Variants in PPP2R2B observed in about 807,000 individuals in gnomAD.
The protein encoded by PPP2R2B is serine/threonine-protein phosphatase 2A 55 kDa regulatory subunit B beta isoform.
Under a neutral mutation model 46.0 loss-of-function variants are expected in PPP2R2B, and 5 were observed. The observed-to-expected ratio is 0.11, with a 90% CI of 0.06 to 0.23. PPP2R2B has a LOEUF of 0.23. PPP2R2B is among the 10% of genes least tolerant of loss of function. The pLI, the probability that PPP2R2B is intolerant of heterozygous loss-of-function variation, is 1.00. For missense variants in PPP2R2B, 367 were observed against 575.0 expected (o/e 0.64, Z 3.70); for synonymous variants, 215 against 206.7 (o/e 1.04, Z -0.34).
intron 2 of PPP2R2B, among the ~76,000 whole-genome samples, chr5:146,812,844 T>TG (rs1271380416): frequency 1.9e-5 from 2 of 107,914 alleles, no homozygotes; most frequent in Non-Finnish European, 3.7e-5. Context: ...CACATTTCCA[T>TG]TATAAAACCA....
chr5:146,905,628 A>T (rs1762971663), intron 1 of PPP2R2B, among the ~76,000 whole-genome samples: 1 of 152,226 alleles, frequency 6.6e-6, no homozygotes, highest in Non-Finnish European at 1.5e-5. Context: ...AGTGAATGGT[A>T]TAGTACATCT....
intron 7 of PPP2R2B, among the ~76,000 whole-genome samples, chr5:146,635,586 C>T (rs146607243): frequency 1.3e-3 from 193 of 152,328 alleles, no homozygotes; most frequent in African/African-American, 4.5e-3. Context: ...CCCGTGCCAT[C>T]CCTGGCCTCC....
intron 3 of PPP2R2B, among the ~76,000 whole-genome samples, chr5:146,698,522 T>A (rs1430589941): frequency 6.6e-6 from 1 of 151,754 alleles, no homozygotes; most frequent in Non-Finnish European, 1.5e-5. Flanking sequence ...GAGTGAGTCA[T>A]CCCACAGTGG....
chr5:146,585,215 T>C lies in PPP2R2B; in HGVS notation c.*4732A>G, dbSNP rs1770083495. The C allele has an allele frequency of 6.6e-6, 1 of 150,442 alleles. No individual in the cohort carries two copies. The highest frequency in any genetic ancestry group is 2.5e-5 in the African/African-American group (1 of 40,762). 9.3% of individuals were successfully genotyped at this position (150,442 alleles called of 1,614,324 possible). ...TTTAATTCATTGAGCTTATGGGTCATTACTGGGGCTTGTTTTCTGATCAGT... is the reference window on the plus strand; with the variant it reads ...TTTAATTCATTGAGCTTATGGGTCACTACTGGGGCTTGTTTTCTGATCAGT... On this transcript the variant is annotated 3_prime_UTR_variant, in exon 10 of 10. Transcript: ENST00000394411.
chr5:146,718,761 A>G (rs1015566963), intron 2 of PPP2R2B, among the ~76,000 whole-genome samples: 3 of 152,178 alleles, frequency 2.0e-5, no homozygotes, highest in Admixed American at 6.6e-5. Context: ...AAGAAGTCTG[A>G]CCCAGTGAAC....
intron 2 of PPP2R2B, among the ~76,000 whole-genome samples, chr5:147,072,958 T>A (rs1195293514): frequency 6.6e-6 from 1 of 152,168 alleles, no homozygotes; most frequent in African/African-American, 2.4e-5. Context: ...CTGTTCCTAG[T>A]GTGGGTTGGG....
At chr5:146,908,397 G>T (rs1763070127) in intron 1 of PPP2R2B, among the ~76,000 whole-genome samples, 1 of 151,766 alleles carries the variant, frequency 6.6e-6, no homozygotes, top group African/African-American at 2.4e-5. Context: ...GTAAGTTCTT[G>T]GTGTTTACTT....
intron 1 of PPP2R2B, among the ~76,000 whole-genome samples, chr5:147,053,928 G>A (rs1756951210): frequency 6.6e-6 from 1 of 152,164 alleles, no homozygotes; most frequent in Non-Finnish European, 1.5e-5. Flanking sequence ...CCTCCACGAT[G>A]TTAATGTTTG....
At chr5:147,003,651 C>A (rs1208580081) in intron 1 of PPP2R2B, among the ~76,000 whole-genome samples, 4 of 152,146 alleles carry the variant, frequency 2.6e-5, no homozygotes, top group Non-Finnish European at 5.9e-5. Flanking sequence ...CTCTACCAGT[C>A]AGCAAGCCAT....
intron 1 of PPP2R2B, among the ~76,000 whole-genome samples, chr5:146,988,436 A>G (rs1341295544): frequency 6.6e-6 from 1 of 152,028 alleles, no homozygotes; most frequent in African/African-American, 2.4e-5. Flanking sequence ...ATCACAGTGC[A>G]ATAACACTAG....
intron 9 of PPP2R2B, among the ~76,000 whole-genome samples, 190 bp downstream of exon 9, chr5:146,592,780 AG>A (rs1030919627): frequency 6.6e-6 from 1 of 152,208 alleles, no homozygotes; most frequent in Non-Finnish European, 1.5e-5. Flanking sequence ...CAGGATTCAA[AG>A]GCCTTACTAC....
Position 146,728,865 on chromosome 5 carries a change from T to C in PPP2R2B, c.71-27723A>G, listed in dbSNP as rs149771137. Reference sequence around the variant, plus strand: ...CCATGTGGAACCATATAAGTCCAATTAAACCTCTTTTTATTTCCAGTCTCA... The same window carrying C: ...CCATGTGGAACCATATAAGTCCAATCAAACCTCTTTTTATTTCCAGTCTCA... On this transcript the variant is annotated intron_variant, in intron 2 of 9. Coordinates refer to ENST00000394411, the MANE Select transcript of PPP2R2B (RefSeq NM_181675.4). Among the ~76,000 whole-genome samples the C allele has an allele frequency of 4.6e-3, 704 of 152,330 alleles. 5 individuals carry two copies. Among genetic ancestry groups the C allele is most frequent in the African/African-American group, 0.016 (672 of 41,580 alleles).
intron 1 of PPP2R2B, among the ~76,000 whole-genome samples, chr5:147,044,942 G>A (rs960548407): frequency 6.6e-5 from 10 of 152,192 alleles, no homozygotes; most frequent in African/African-American, 2.4e-4. Flanking sequence ...GCCTGGAAGA[G>A]CAAATTCACT....
chr5:146,811,132 T>C (rs915432163), intron 2 of PPP2R2B, among the ~76,000 whole-genome samples: 1 of 151,968 alleles, frequency 6.6e-6, no homozygotes, highest in Non-Finnish European at 1.5e-5. Context: ...GCCTCCCGAG[T>C]AGCTGGGATT....
chr5:146,971,668 ATCT>A (rs1267660148), intron 1 of PPP2R2B, among the ~76,000 whole-genome samples: 4 of 152,200 alleles, frequency 2.6e-5, no homozygotes, highest in African/African-American at 7.2e-5. Flanking sequence ...TGCCAAATTG[ATCT>A]TCTTAAAAGT....
At chr5:146,728,882 C>A (rs1752048487) in intron 2 of PPP2R2B, among the ~76,000 whole-genome samples, 1 of 152,164 alleles carries the variant, frequency 6.6e-6, no homozygotes, top group Admixed American at 6.6e-5. Flanking sequence ...CTTTTTATTT[C>A]CAGTCTCAGG....
intron 2 of PPP2R2B, among the ~76,000 whole-genome samples, chr5:146,804,492 T>C (rs1444712698): frequency 6.6e-6 from 1 of 152,110 alleles, no homozygotes; most frequent in East Asian, 1.9e-4. Flanking sequence ...TCCATTGCCT[T>C]TTAAATTGAC....
At chr5:146,890,898 T>C (rs1762472791) in intron 1 of PPP2R2B, among the ~76,000 whole-genome samples, 1 of 152,094 alleles carries the variant, frequency 6.6e-6, no homozygotes. Context: ...AACAGCAACA[T>C]AGTTTAGAGC....
At chr5:147,041,487 A>C in intron 1 of PPP2R2B, among the ~76,000 whole-genome samples, 1 of 152,176 alleles carries the variant, frequency 6.6e-6, no homozygotes, top group Non-Finnish European at 1.5e-5. Context: ...CCTGGTGCTA[A>C]GTCCAGAGTT....
Sources: allele counts gnomAD v4.1 joint callset (sites outside exome capture counted in the v4.1 genomes callset), GRCh38; gene constraint gnomAD v4.1.1; transcripts MANE v1.5; gene names NCBI Gene and HGNC (gene_info 2026-07-23, HGNC 2026-07-21).